LDLRAD4: variants seen among roughly 807,000 people sequenced by gnomAD.
LDLRAD4 encodes low density lipoprotein receptor class A domain containing 4, also known as low-density lipoprotein receptor class A domain-containing protein 4.
A neutral mutation model predicts 17.0 loss-of-function variants in LDLRAD4; 5 were observed. The ratio of observed to expected loss-of-function variants is 0.29; its 90% CI spans 0.15 to 0.62. The LOEUF (loss-of-function observed/expected upper bound fraction) is 0.62, where lower values mean the gene tolerates loss of function less well. Ranked by LOEUF, LDLRAD4 falls within the 20% of genes least tolerant of loss-of-function variation. The pLI, the probability that LDLRAD4 is intolerant of heterozygous loss-of-function variation, is 0.84. For synonymous variants in LDLRAD4, 168 were observed against 171.8 expected (o/e 0.98, Z 0.17); for missense variants, 340 against 424.7 (o/e 0.80, Z 1.75).
In LDLRAD4 at chr18:13,403,919, C is replaced by T. The variant is rs1487029075; in HGVS notation, c.40+16157C>T. On this transcript the variant is annotated intron_variant, in intron 2 of 5. Coordinates refer to ENST00000359446, the Ensembl canonical transcript of LDLRAD4. ...CGATGTTTGGGTGGAAGAGGGAGGC[C>T]ATCTGGATGCGCCCTGTCCCGGGGA... Among the ~76,000 whole-genome samples, 3 of 152,218 alleles carry T rather than the reference C, an allele frequency of 2.0e-5. No individual in the cohort carries two copies. In the East Asian group the frequency reaches 5.8e-4, roughly 29 times the overall value.
intron 1 of LDLRAD4, among the ~76,000 whole-genome samples, chr18:13,311,572 T>C (rs1054207785): frequency 2.0e-5 from 3 of 152,208 alleles, no homozygotes; most frequent in African/African-American, 7.2e-5. Flanking sequence ...TGTCGCCATG[T>C]TCTCAGGGGA....
intron 3 of LDLRAD4, among the ~76,000 whole-genome samples, chr18:13,588,790 A>G (rs1156886231): frequency 6.6e-6 from 1 of 152,122 alleles, no homozygotes; most frequent in African/African-American, 2.4e-5. Flanking sequence ...CTTGTTTCAG[A>G]GAAAGTGGCT....
intron 4 of LDLRAD4, among the ~76,000 whole-genome samples, chr18:13,637,305 G>A (rs1040000261): frequency 3.9e-5 from 6 of 151,924 alleles, no homozygotes; most frequent in South Asian, 2.1e-4. Context: ...ATGCAGTGGC[G>A]GGCCATTGGT....
chr18:13,449,536 G>A (rs569160178), intron 3 of LDLRAD4, among the ~76,000 whole-genome samples: 5 of 152,232 alleles, frequency 3.3e-5, no homozygotes, highest in African/African-American at 1.2e-4. Context: ...TGGGAGAGGA[G>A]AATCTCAGAT....
chr18:13,439,541 G>A (rs1020595171), intron 3 of LDLRAD4, among the ~76,000 whole-genome samples: 1 of 152,258 alleles, frequency 6.6e-6, no homozygotes, highest in African/African-American at 2.4e-5. Flanking sequence ...TGGAGGTTCA[G>A]GCTGGGCGCG....
intron 2 of LDLRAD4, chr18:13,421,302 A>G (rs749000142): frequency 6.6e-6 from 1 of 152,166 alleles, no homozygotes; most frequent in Non-Finnish European, 1.5e-5. Flanking sequence ...AGGGGTGTGG[A>G]ATTAGGAGGC....
intron 1 of LDLRAD4, among the ~76,000 whole-genome samples, chr18:13,298,964 T>G (rs1015361579): frequency 4.6e-5 from 7 of 152,220 alleles, no homozygotes; most frequent in African/African-American, 7.2e-5. Context: ...CATCACTGCC[T>G]CTGACATTCT....
At chr18:13,350,558 A>C (rs1340986197) in intron 1 of LDLRAD4, among the ~76,000 whole-genome samples, 1 of 152,092 alleles carries the variant, frequency 6.6e-6, no homozygotes, top group Admixed American at 6.6e-5. Flanking sequence ...AGATTGCAGA[A>C]ATTTTCTCCT....
At chr18:13,648,794 T>A (rs1189311892) in exon 6 of LDLRAD4, 3 of 152,326 alleles carry the variant, frequency 2.0e-5, no homozygotes, top group South Asian at 2.1e-4. Context: ...CTGACTTTTG[T>A]CCCTTGTTCC....
At chr18:13,511,701 C>T (rs1008849076) in intron 3 of LDLRAD4, among the ~76,000 whole-genome samples, 3 of 152,166 alleles carry the variant, frequency 2.0e-5, no homozygotes, top group African/African-American at 7.2e-5. Context: ...TGTTTCTGGC[C>T]CCTCAGTAGG....
intron 3 of LDLRAD4, among the ~76,000 whole-genome samples, chr18:13,509,422 T>A (rs2093743930): frequency 6.6e-6 from 1 of 152,132 alleles, no homozygotes; most frequent in South Asian, 2.1e-4. Flanking sequence ...GCAAATAAGG[T>A]AGAAATAGCA....
chr18:13,454,355 A>G (rs529962782), intron 3 of LDLRAD4, among the ~76,000 whole-genome samples: 1 of 152,208 alleles, frequency 6.6e-6, no homozygotes, highest in Non-Finnish European at 1.5e-5. Context: ...ACCACATTTA[A>G]AGGGATGATT....
Position 13,226,103 on chromosome 18 carries a change from C to T in LDLRAD4, c.-467+7115C>T, listed in dbSNP as rs370498230. Among the ~76,000 whole-genome samples, 61 of 147,448 alleles carry T rather than the reference C, an allele frequency of 4.1e-4. 1 individual carries two copies. Among genetic ancestry groups the T allele is most frequent in the Non-Finnish European group, 5.8e-4 (39 of 66,952 alleles). On this transcript the variant is annotated intron_variant, in intron 1 of 5. Transcript: ENST00000399848. ...TGGTGTGATCTCGGCTCATTGCAACCGCCATTTCTCAGGCTTGTGGCATCC... is the reference window on the plus strand; with the variant it reads ...TGGTGTGATCTCGGCTCATTGCAACTGCCATTTCTCAGGCTTGTGGCATCC...
intron 1 of LDLRAD4, among the ~76,000 whole-genome samples, chr18:13,232,368 C>T (rs560067382): frequency 6.6e-6 from 1 of 152,342 alleles, no homozygotes; most frequent in East Asian, 1.9e-4. Context: ...TTTTGCCTGG[C>T]ATGGTTTGAG....
intron 1 of LDLRAD4, among the ~76,000 whole-genome samples, chr18:13,226,651 C>T (rs1336071912): frequency 6.6e-6 from 1 of 151,148 alleles, no homozygotes; most frequent in Non-Finnish European, 1.5e-5. Context: ...GGCCAAACAT[C>T]ATAATGTCAG....
chr18:13,238,740 C>G (rs2145630488), intron 1 of LDLRAD4, among the ~76,000 whole-genome samples: 1 of 152,308 alleles, frequency 6.6e-6, no homozygotes, highest in South Asian at 2.1e-4. Flanking sequence ...TAGGCAGCCT[C>G]TCCCGGGTGG....
chr18:13,320,930 A>G (rs2081182278), intron 1 of LDLRAD4, among the ~76,000 whole-genome samples: 1 of 152,186 alleles, frequency 6.6e-6, no homozygotes, highest in South Asian at 2.1e-4. Context: ...GTGACTGGAC[A>G]TAACAAGCCA....
chr18:13,546,573 T>TA (rs2094367543), intron 3 of LDLRAD4, among the ~76,000 whole-genome samples: 1 of 152,090 alleles, frequency 6.6e-6, no homozygotes, highest in Non-Finnish European at 1.5e-5. Context: ...CTTGCTATGT[T>TA]ACCCAGCCTG....
intron 3 of LDLRAD4, among the ~76,000 whole-genome samples, chr18:13,505,701 G>C (rs2116222): frequency 0.63 from 95,295 of 151,530 alleles, 30,826 homozygotes; most frequent in East Asian, 0.74. Flanking sequence ...ACCTGTAGTC[G>C]CAGCTACTCG....
Sources: allele counts gnomAD v4.1 joint callset (sites outside exome capture counted in the v4.1 genomes callset), GRCh38; gene constraint gnomAD v4.1.1; transcripts MANE v1.5; gene names NCBI Gene and HGNC (gene_info 2026-07-23, HGNC 2026-07-21).